KCNIP3: variants seen among roughly 807,000 people sequenced by gnomAD.
The protein encoded by KCNIP3 is potassium voltage-gated channel interacting protein 3.
KCNIP3 carries 28 observed loss-of-function variants against 35.0 expected under a neutral mutation model. The ratio of observed to expected loss-of-function variants is 0.80; its 90% CI spans 0.59 to 1.10. The LOEUF (loss-of-function observed/expected upper bound fraction) is 1.10, where lower values mean the gene tolerates loss of function less well. Ranked by LOEUF, KCNIP3 falls within the 50% of genes least tolerant of loss-of-function variation. KCNIP3 has a pLI of 0.00. For missense variants in KCNIP3, 295 were observed against 338.4 expected (o/e 0.87, Z 1.01); for synonymous variants, 134 against 133.8 (o/e 1.00, Z -0.01).
intron 2 of KCNIP3, among the ~76,000 whole-genome samples, chr2:95,359,357 G>A (rs1439720690): frequency 5.3e-5 from 8 of 152,054 alleles, no homozygotes; most frequent in Non-Finnish European, 7.4e-5. Context: ...GGGAGAAACC[G>A]GCAAGAAAAA....
chr2:95,304,501 C>T (rs1325807284), intron 1 of KCNIP3, among the ~76,000 whole-genome samples: 1 of 152,130 alleles, frequency 6.6e-6, no homozygotes, highest in Non-Finnish European at 1.5e-5. Context: ...CTCGTAGGTG[C>T]AGCTCCCCAC....
Position 95,329,673 on chromosome 2 carries a change from C to A in KCNIP3, c.181+19153C>A, listed in dbSNP as rs569800491. 4.6e-5 allele frequency among the ~76,000 whole-genome samples: 7 copies of A among 152,294 alleles called. No homozygotes were observed. In the South Asian group the frequency reaches 1.4e-3, roughly 32 times the overall value. On this transcript the variant is annotated intron_variant, in intron 2 of 8. Coordinates refer to ENST00000295225, the MANE Select transcript of KCNIP3 (RefSeq NM_013434.5). ...GACCCGGGAGCAGGCTGAAGCTGTGCCCTCTGGCTGGCCTGACGGGGGTCT... is the reference window on the plus strand; with the variant it reads ...GACCCGGGAGCAGGCTGAAGCTGTGACCTCTGGCTGGCCTGACGGGGGTCT...
At chr2:95,321,844 G>A (rs980277065) in intron 2 of KCNIP3, among the ~76,000 whole-genome samples, 19 of 151,978 alleles carry the variant, frequency 1.3e-4, no homozygotes, top group East Asian at 9.6e-4. Flanking sequence ...GGAAGACATC[G>A]GAGCCCTAAT....
At chr2:95,324,406 C>T (rs1451590872) in intron 2 of KCNIP3, among the ~76,000 whole-genome samples, 3 of 151,764 alleles carry the variant, frequency 2.0e-5, no homozygotes, top group African/African-American at 7.3e-5. Context: ...CACAGCTACT[C>T]CAGAGGCTGA....
At chr2:95,381,923 T>A (rs1177866254) in intron 6 of KCNIP3, among the ~76,000 whole-genome samples, 2 of 152,142 alleles carry the variant, frequency 1.3e-5, no homozygotes, top group African/African-American at 4.8e-5. Flanking sequence ...GTACCACACA[T>A]CTCGGTCCAG....
At position 95,378,867 on chromosome 2, in the gene KCNIP3, C is replaced by T. The variant is rs989371116; in HGVS notation, c.448-2729C>T. 5.4e-5 allele frequency among the ~76,000 whole-genome samples: 8 copies of T among 147,954 alleles called. No individual in the cohort carries two copies. Among genetic ancestry groups the T allele is most frequent in the African/African-American group, 2.0e-4 (8 of 39,420 alleles). On this transcript the variant is annotated intron_variant, in intron 5 of 8. Transcript: ENST00000295225. The surrounding 1 kb of genome is among the most constrained non-coding windows in gnomAD (Gnocchi z 4.0). ...ATACACATATATATACACATATATACACACACACACATATATATACACACA... is the reference window on the plus strand; with the variant it reads ...ATACACATATATATACACATATATATACACACACACATATATATACACACA...
chr2:95,341,033 C>G (rs1679182533), intron 2 of KCNIP3, among the ~76,000 whole-genome samples: 1 of 152,182 alleles, frequency 6.6e-6, no homozygotes, highest in Non-Finnish European at 1.5e-5. Context: ...CCCTGGGGGT[C>G]TGATTCAACG....
intron 2 of KCNIP3, among the ~76,000 whole-genome samples, chr2:95,322,568 G>A (rs574183177): frequency 2.0e-5 from 3 of 152,250 alleles, no homozygotes; most frequent in African/African-American, 7.2e-5. Flanking sequence ...GTCCATAAAG[G>A]GCCAAAGCAG....
chr2:95,375,234 G>T (rs370742526), intron 5 of KCNIP3, 26 bp downstream of exon 5: 1 of 1,604,802 alleles, frequency 6.2e-7, no homozygotes, highest in Non-Finnish European at 8.5e-7. Context: ...TTCCTCCCAC[G>T]TGTCCTGCCC....
intron 2 of KCNIP3, among the ~76,000 whole-genome samples, chr2:95,345,449 A>G (rs529094938): frequency 7.9e-5 from 12 of 152,354 alleles, no homozygotes; most frequent in African/African-American, 2.9e-4. Flanking sequence ...CCAGGCAGCG[A>G]GCTCTGTGCC....
chr2:95,317,478 A>G (rs3755521), intron 2 of KCNIP3, among the ~76,000 whole-genome samples: 117,247 of 152,102 alleles, frequency 0.77, 45,714 homozygotes, highest in African/African-American at 0.88. Context: ...TGAGAAGGCA[A>G]ACCCAAGGCA....
At chr2:95,327,825 A>G (rs531686463) in intron 2 of KCNIP3, among the ~76,000 whole-genome samples, 1 of 152,250 alleles carries the variant, frequency 6.6e-6, no homozygotes, top group Admixed American at 6.5e-5. Flanking sequence ...AGCAGGACTC[A>G]GCCCAGCTGG....
At chr2:95,321,680 G>T (rs1678602209) in intron 2 of KCNIP3, among the ~76,000 whole-genome samples, 1 of 152,142 alleles carries the variant, frequency 6.6e-6, no homozygotes, top group African/African-American at 2.4e-5. Flanking sequence ...AGAGAGGGTG[G>T]GAACAAAAGG....
chr2:95,371,434 G>A (rs1680039605), intron 2 of KCNIP3, among the ~76,000 whole-genome samples: 1 of 152,136 alleles, frequency 6.6e-6, no homozygotes. Flanking sequence ...GTACCATTGT[G>A]GTAAGAGTCT....
At chr2:95,308,957 G>A (rs1397828057) in intron 1 of KCNIP3, among the ~76,000 whole-genome samples, 1 of 152,224 alleles carries the variant, frequency 6.6e-6, no homozygotes, top group Non-Finnish European at 1.5e-5. Flanking sequence ...ACGAGACCCT[G>A]TGACCTGGGA....
At chr2:95,334,695 G>A (rs1444873443) in intron 2 of KCNIP3, among the ~76,000 whole-genome samples, 1 of 152,156 alleles carries the variant, frequency 6.6e-6, no homozygotes, top group Non-Finnish European at 1.5e-5. Context: ...GACACAAGAT[G>A]GGATGAGAAA....
intron 1 of KCNIP3, among the ~76,000 whole-genome samples, chr2:95,307,652 G>A (rs758832352): frequency 3.3e-5 from 5 of 152,194 alleles, no homozygotes; most frequent in Non-Finnish European, 7.4e-5. Flanking sequence ...GGGATCTCCC[G>A]CACGACCTGG....
chr2:95,322,603 G>A (rs1267691432), intron 2 of KCNIP3, among the ~76,000 whole-genome samples: 4 of 152,190 alleles, frequency 2.6e-5, no homozygotes, highest in Non-Finnish European at 5.9e-5. Flanking sequence ...ACAAGGGCAG[G>A]GCTGGTGATA....
chr2:95,307,185 C>G (rs1454763835), intron 1 of KCNIP3, among the ~76,000 whole-genome samples: 2 of 152,242 alleles, frequency 1.3e-5, no homozygotes, highest in Non-Finnish European at 2.9e-5. Context: ...GGCCCGGAAC[C>G]CCCACCACCA....
Sources: gnomAD v4.1 joint callset for allele counts (sites outside exome capture counted in the v4.1 genomes callset) on GRCh38, gnomAD v4.1.1 for gene constraint, Gnocchi (gnomAD v3.1) non-coding constraint, MANE v1.5 for transcripts, NCBI Gene and HGNC (gene_info 2026-07-23, HGNC 2026-07-21) for gene names.